IMMP2L: variants seen among roughly 807,000 people sequenced by gnomAD.
IMMP2L encodes mitochondrial inner membrane protease subunit 2.
A neutral mutation model predicts 19.3 loss-of-function variants in IMMP2L; 18 were observed. That is an observed-to-expected ratio of 0.93 (90% CI 0.64 to 1.38). The LOEUF (loss-of-function observed/expected upper bound fraction) is 1.38. IMMP2L is among the 40% of genes most tolerant of loss of function. IMMP2L has a pLI of 0.00. For synonymous variants in IMMP2L, 76 were observed against 73.0 expected (o/e 1.04, Z -0.21); for missense variants, 233 against 218.2 (o/e 1.07, Z -0.43).
chr7:110,937,431 C>CG (rs1408715301), intron 4 of IMMP2L, among the ~76,000 whole-genome samples: 3 of 152,078 alleles, frequency 2.0e-5, no homozygotes, highest in Non-Finnish European at 4.4e-5. Flanking sequence ...GTAAGTGACT[C>CG]CAGTTCAAAG....
intron 3 of IMMP2L, among the ~76,000 whole-genome samples, chr7:111,239,290 C>A (rs538399333): frequency 6.6e-6 from 1 of 152,028 alleles, no homozygotes; most frequent in African/African-American, 2.4e-5. Flanking sequence ...ATATAATATT[C>A]TTTATGATCA....
chr7:111,458,661 T>C (rs1206099902), intron 3 of IMMP2L, among the ~76,000 whole-genome samples: 1 of 152,144 alleles, frequency 6.6e-6, no homozygotes, highest in Non-Finnish European at 1.5e-5. Context: ...TTTCCTCTTC[T>C]ATCCCACCAG....
chr7:111,076,646 G>C lies in IMMP2L; in HGVS notation c.240-113081C>G, dbSNP rs185758625. Among the ~76,000 whole-genome samples the C allele has an allele frequency of 1.6e-4, 25 of 152,300 alleles. No individual in the cohort carries two copies. In the East Asian group the frequency reaches 3.1e-3, roughly 19 times the overall value. On this transcript the variant is annotated intron_variant, in intron 3 of 5. Coordinates refer to ENST00000405709, the MANE Select transcript of IMMP2L (RefSeq NM_032549.4). Reference sequence around the variant, plus strand: ...AACCCAGCATCTGTGGTTCAGAAAAGCTAAATCATAGGGAATCCCTCTGTC... The same window carrying C: ...AACCCAGCATCTGTGGTTCAGAAAACCTAAATCATAGGGAATCCCTCTGTC...
At chr7:111,129,552 CT>C (rs1400537510) in intron 3 of IMMP2L, among the ~76,000 whole-genome samples, 1 of 152,020 alleles carries the variant, frequency 6.6e-6, no homozygotes, top group Non-Finnish European at 1.5e-5. Context: ...TACAGCTTTG[CT>C]TCTATATATC....
rs1172662439 is a variant in IMMP2L at position 110,803,153 on chromosome 7, A to G, written c.408+83440T>C. 2.6e-5 allele frequency among the ~76,000 whole-genome samples: 4 copies of G among 152,090 alleles called. No homozygotes were observed. The highest frequency in any genetic ancestry group is 5.9e-5 in the Non-Finnish European group (4 of 68,002). ...GATTAGGATAGGTAAAAAGAGCAGT[A>G]ATGGAGGGGCATATTAGGTAGTGGG... is the stretch of plus-strand genomic sequence containing the variant. On this transcript the variant is annotated intron_variant, in intron 5 of 5. Transcript: ENST00000405709. The surrounding 1 kb of genome is among the most constrained non-coding windows in gnomAD (Gnocchi z 4.2).
At chr7:111,327,398 C>T (rs1475189070) in intron 3 of IMMP2L, among the ~76,000 whole-genome samples, 1 of 151,686 alleles carries the variant, frequency 6.6e-6, no homozygotes, top group Non-Finnish European at 1.5e-5. Flanking sequence ...TAAAAAGTGT[C>T]ACTGTAACTA....
Position 111,338,783 on chromosome 7 carries a change from C to A in IMMP2L, c.239+148455G>T, listed in dbSNP as rs75813991. On this transcript the variant is annotated intron_variant, in intron 3 of 5. Coordinates refer to ENST00000405709, the MANE Select transcript of IMMP2L (RefSeq NM_032549.4). ...TTATCCATTAATGAGAAAGAACTAG[C>A]AATAGAAAGAATTAGCAGGAATTCC... 5.6e-3 allele frequency among the ~76,000 whole-genome samples: 848 copies of A among 152,108 alleles called. 8 individuals carry two copies. Among genetic ancestry groups the A allele is most frequent in the Middle Eastern group, 0.054 (16 of 294 alleles).
intron 3 of IMMP2L, among the ~76,000 whole-genome samples, chr7:111,049,471 A>C (rs1424186878): frequency 6.6e-6 from 1 of 152,038 alleles, no homozygotes; most frequent in Non-Finnish European, 1.5e-5. Context: ...GGGATATTAA[A>C]ACTTCAGCCT....
intron 5 of IMMP2L, among the ~76,000 whole-genome samples, chr7:110,695,556 A>G (rs912182474): frequency 2.0e-5 from 3 of 152,180 alleles, no homozygotes; most frequent in Non-Finnish European, 4.4e-5. Flanking sequence ...TAATGAGAAT[A>G]ATAAAGATAG....
At chr7:111,108,869 T>C (rs567891494) in intron 3 of IMMP2L, among the ~76,000 whole-genome samples, 127 of 152,284 alleles carry the variant, frequency 8.3e-4, no homozygotes, top group African/African-American at 3.1e-3. Flanking sequence ...TAAAAGCAAC[T>C]GATATTCATT....
intron 3 of IMMP2L, among the ~76,000 whole-genome samples, chr7:111,161,282 T>G (rs969192423): frequency 6.6e-6 from 1 of 151,670 alleles, no homozygotes; most frequent in Admixed American, 6.6e-5. Context: ...AAAATGACAA[T>G]AGAACAAAAA....
At chr7:111,270,595 A>G (rs139262104) in intron 3 of IMMP2L, among the ~76,000 whole-genome samples, 2 of 152,300 alleles carry the variant, frequency 1.3e-5, no homozygotes, top group Admixed American at 6.5e-5. Context: ...TGAGCAAATT[A>G]GCTGTCAAAA....
chr7:111,325,708 A>G (rs1185160073), intron 3 of IMMP2L, among the ~76,000 whole-genome samples: 1 of 151,738 alleles, frequency 6.6e-6, no homozygotes, highest in African/African-American at 2.4e-5. Context: ...AAATTTTAAT[A>G]TATCATCTAA....
At chr7:111,113,110 C>T (rs1468334518) in intron 3 of IMMP2L, among the ~76,000 whole-genome samples, 2 of 151,954 alleles carry the variant, frequency 1.3e-5, no homozygotes, top group Non-Finnish European at 2.9e-5. Context: ...AGTAATGTTC[C>T]CCTCCAAAAT....
At chr7:111,034,387 G>A (rs1016364996) in intron 3 of IMMP2L, among the ~76,000 whole-genome samples, 1 of 152,082 alleles carries the variant, frequency 6.6e-6, no homozygotes, top group African/African-American at 2.4e-5. Flanking sequence ...TAGGGGAAAG[G>A]CATTAATTAT....
chr7:110,742,814 G>A (rs969004319), intron 5 of IMMP2L, among the ~76,000 whole-genome samples: 2 of 151,312 alleles, frequency 1.3e-5, no homozygotes, highest in African/African-American at 2.4e-5. Flanking sequence ...ACTATTTGCT[G>A]ACATCATAAA....
rs534202435 is a variant in IMMP2L, at chr7:111,325,922, G to T, written c.239+161316C>A. On this transcript the variant is annotated intron_variant, in intron 3 of 5. Transcript: ENST00000405709. ...AATTTTACTGTAGTAATAATGTTCT[G>T]GAATTTTAATTTAAATTATAATGTA... is the stretch of plus-strand genomic sequence containing the variant. Among the ~76,000 whole-genome samples the T allele has an allele frequency of 1.2e-4, 18 of 151,646 alleles. No individual in the cohort carries two copies. The East Asian group carries it at 3.3e-3, about 28-fold the overall frequency.
At chr7:111,235,263 G>A (rs1009583298) in intron 3 of IMMP2L, among the ~76,000 whole-genome samples, 1 of 152,074 alleles carries the variant, frequency 6.6e-6, no homozygotes, top group Non-Finnish European at 1.5e-5. Context: ...CCTGAGGTCA[G>A]GAGTTCAAGG....
chr7:111,554,373 A>T (rs1791020373), intron 1 of IMMP2L, among the ~76,000 whole-genome samples: 1 of 152,092 alleles, frequency 6.6e-6, no homozygotes, highest in Admixed American at 6.6e-5. Context: ...GCAGAACAAG[A>T]AGAAAGGGAA....
Sources: gnomAD v4.1 joint callset for allele counts (sites outside exome capture counted in the v4.1 genomes callset) on GRCh38, gnomAD v4.1.1 for gene constraint, Gnocchi (gnomAD v3.1) non-coding constraint, MANE v1.5 for transcripts, NCBI Gene and HGNC (gene_info 2026-07-23, HGNC 2026-07-21) for gene names.